FILIP1L: variants seen among roughly 807,000 people sequenced by gnomAD.
The protein encoded by FILIP1L is filamin A-interacting protein 1-like.
A neutral mutation model predicts 96.6 loss-of-function variants in FILIP1L; 55 were observed. The observed-to-expected ratio is 0.57, with a 90% CI of 0.46 to 0.71. FILIP1L has a LOEUF of 0.71. Ranked by LOEUF, FILIP1L falls within the 30% of genes least tolerant of loss-of-function variation. The pLI is 0.00. For missense variants in FILIP1L, 1,304 were observed against 1,321.2 expected (o/e 0.99, Z 0.20); for synonymous variants, 467 against 473.9 (o/e 0.99, Z 0.19).
At chr3:100,084,113 C>G (rs926013890) in intron 1 of FILIP1L, among the ~76,000 whole-genome samples, 1 of 152,100 alleles carries the variant, frequency 6.6e-6, no homozygotes, top group Non-Finnish European at 1.5e-5. Flanking sequence ...AATAAAGCCT[C>G]GGGCCATGAG....
intron 1 of FILIP1L, among the ~76,000 whole-genome samples, chr3:100,096,675 A>G (rs2066215088): frequency 1.3e-5 from 2 of 151,690 alleles, no homozygotes. Context: ...AAAAAAAAGA[A>G]AGAATGAATA....
At chr3:99,910,838 A>G (rs1426232604) in intron 4 of FILIP1L, among the ~76,000 whole-genome samples, 1 of 152,166 alleles carries the variant, frequency 6.6e-6, no homozygotes, top group Non-Finnish European at 1.5e-5. Context: ...ATTTTTTTTA[A>G]TGTTGCCCAA....
At chr3:100,003,051 G>C (rs576006513) in intron 1 of FILIP1L, among the ~76,000 whole-genome samples, 44 of 152,256 alleles carry the variant, frequency 2.9e-4, no homozygotes, top group South Asian at 1.9e-3. Context: ...CTCTAGCTGT[G>C]TACTGCTTGA....
intron 1 of FILIP1L, among the ~76,000 whole-genome samples, chr3:100,065,918 G>A (rs771291905): frequency 4.6e-5 from 7 of 152,158 alleles, no homozygotes; most frequent in Non-Finnish European, 8.8e-5. Flanking sequence ...GCATCACCTG[G>A]GGACTTTTCA....
rs138088104 is a variant in FILIP1L at position 100,073,143 on chromosome 3, G to A, written c.-11+40910C>T. On this transcript the variant is annotated intron_variant, in intron 1 of 5. Coordinates refer to ENST00000477258, the MANE Select transcript of FILIP1L (RefSeq NM_001387850.1). ...GAATGCTGTTATATTATAGAACAGG[G>A]GAGAACTAGTACCAGGAGTCACAAA... is the stretch of plus-strand genomic sequence containing the variant. 8.4e-3 allele frequency among the ~76,000 whole-genome samples: 1,280 copies of A among 152,242 alleles called. 12 individuals carry two copies. The highest frequency in any genetic ancestry group is 0.013 in the Non-Finnish European group (880 of 68,016).
chr3:99,861,041 C>T (rs546706651), intron 4 of FILIP1L, among the ~76,000 whole-genome samples: 1 of 152,164 alleles, frequency 6.6e-6, no homozygotes, highest in Non-Finnish European at 1.5e-5. Flanking sequence ...AGAGTCTACT[C>T]ATTTTTCTCA....
At chr3:99,863,862 TC>T (rs1944380791) in intron 4 of FILIP1L, among the ~76,000 whole-genome samples, 1 of 152,168 alleles carries the variant, frequency 6.6e-6, no homozygotes, top group Non-Finnish European at 1.5e-5. Context: ...TCTTATGCTC[TC>T]CCCTTTTTAC....
At chr3:100,011,355 G>C (rs1710151442) in intron 1 of FILIP1L, among the ~76,000 whole-genome samples, 1 of 152,136 alleles carries the variant, frequency 6.6e-6, no homozygotes, top group East Asian at 1.9e-4. Flanking sequence ...ATCATGCCAT[G>C]CCCAGCGTGT....
At chr3:99,872,408 G>A (rs1944846973) in intron 4 of FILIP1L, among the ~76,000 whole-genome samples, 1 of 151,046 alleles carries the variant, frequency 6.6e-6, no homozygotes, top group Non-Finnish European at 1.5e-5. Flanking sequence ...AATGTTTGCT[G>A]TTCTGATGTA....
chr3:100,101,656 C>T (rs2066307302), intron 1 of FILIP1L, among the ~76,000 whole-genome samples: 1 of 151,978 alleles, frequency 6.6e-6, no homozygotes, highest in Non-Finnish European at 1.5e-5. Flanking sequence ...TTTTAGGGTA[C>T]ATGTGCACAA....
intron 1 of FILIP1L, among the ~76,000 whole-genome samples, chr3:99,944,219 G>T (rs974838627): frequency 2.0e-5 from 3 of 152,208 alleles, no homozygotes; most frequent in African/African-American, 7.2e-5. Context: ...GCCTAACTGA[G>T]ATGGAGATTG....
intron 1 of FILIP1L, among the ~76,000 whole-genome samples, chr3:99,934,116 A>C (rs1707581182): frequency 6.6e-6 from 1 of 152,202 alleles, no homozygotes. Context: ...GCTTCCCCAC[A>C]TGGTGGTCTC....
At chr3:99,894,632 T>A (rs985518409) in intron 4 of FILIP1L, among the ~76,000 whole-genome samples, 1 of 152,240 alleles carries the variant, frequency 6.6e-6, no homozygotes, top group African/African-American at 2.4e-5. Flanking sequence ...GTAGGAAGTT[T>A]ACTATCTTGC....
intron 4 of FILIP1L, among the ~76,000 whole-genome samples, chr3:99,885,052 C>T (rs1188858435): frequency 6.6e-6 from 1 of 152,210 alleles, no homozygotes; most frequent in African/African-American, 2.4e-5. Flanking sequence ...ACTGCAGGAG[C>T]AGAGTTTCCT....
At chr3:99,982,166 A>T (rs1709143137) in intron 1 of FILIP1L, among the ~76,000 whole-genome samples, 1 of 152,092 alleles carries the variant, frequency 6.6e-6, no homozygotes, top group South Asian at 2.1e-4. Context: ...ATTTCGGTAT[A>T]TGTATTTTAG....
chr3:100,023,630 G>A (rs1351400398), intron 1 of FILIP1L: 1 of 152,396 alleles, frequency 6.6e-6, no homozygotes, highest in Non-Finnish European at 1.5e-5. Context: ...CTCTAATAAT[G>A]TAGATCTCCA....
At chr3:99,894,872 A>G (rs1025716223) in intron 4 of FILIP1L, among the ~76,000 whole-genome samples, 4 of 152,230 alleles carry the variant, frequency 2.6e-5, no homozygotes, top group Admixed American at 2.0e-4. Flanking sequence ...TTGCAAACGT[A>G]TAGAGTTCAA....
chr3:99,948,462 T>G (rs1708077049), intron 1 of FILIP1L, among the ~76,000 whole-genome samples: 1 of 147,680 alleles, frequency 6.8e-6, no homozygotes, highest in Admixed American at 6.9e-5. Flanking sequence ...CAGGATCACC[T>G]AAGTCCAAGA....
At chr3:100,095,471 T>C (rs1193035034) in intron 1 of FILIP1L, among the ~76,000 whole-genome samples, 2 of 152,072 alleles carry the variant, frequency 1.3e-5, no homozygotes, top group African/African-American at 4.8e-5. Context: ...AACAATATAC[T>C]ACAGTGAACT....
Sources: gnomAD v4.1 joint callset for allele counts (sites outside exome capture counted in the v4.1 genomes callset) on GRCh38, gnomAD v4.1.1 for gene constraint, MANE v1.5 for transcripts, NCBI Gene and HGNC (gene_info 2026-07-23, HGNC 2026-07-21) for gene names.